SMARCA5: variants seen among roughly 807,000 people sequenced by gnomAD.
SMARCA5 encodes SNF2 related chromatin remodeling ATPase 5.
A neutral mutation model predicts 140.4 loss-of-function variants in SMARCA5; 18 were observed. The observed-to-expected ratio is 0.13, with a 90% CI of 0.09 to 0.19. The LOEUF (loss-of-function observed/expected upper bound fraction) is 0.19, where lower values mean the gene tolerates loss of function less well. Among genes scored for constraint, SMARCA5 ranks in the 10% least tolerant of loss-of-function variants. The pLI is 1.00. For synonymous variants in SMARCA5, 449 were observed against 419.6 expected (o/e 1.07, Z -0.86); for missense variants, 606 against 1,276.8 (o/e 0.47, Z 8.01).
chr4:143,548,326 T>G, intron 22 of SMARCA5, 186 bp downstream of exon 22: 1 of 426,098 alleles, frequency 2.3e-6, no homozygotes, highest in Non-Finnish European at 4.2e-6. Flanking sequence ...GTATCTTACG[T>G]CTTTAAATAT....
chr4:143,518,493 C>G (rs1230335875), intron 2 of SMARCA5, among the ~76,000 whole-genome samples: 2 of 152,080 alleles, frequency 1.3e-5, no homozygotes, highest in East Asian at 3.9e-4. Flanking sequence ...GTCTTCAGTA[C>G]CCAGAACAGT....
Position 143,556,597 on chromosome 4 carries a change from G to A in SMARCA5, c.*3413G>A, listed in dbSNP as rs986334484. ...GAATGCTAGAAGACATGTATTAACG[G>A]AGTAGCTGTTACCAAAATATATACA... On this transcript the variant is annotated 3_prime_UTR_variant, in exon 24 of 24. Transcript: ENST00000283131. The A allele has an allele frequency of 2.6e-5, 4 of 152,164 alleles. No individual in the cohort carries two copies. The highest frequency in any genetic ancestry group is 4.4e-5 in the Non-Finnish European group (3 of 68,036). 9.4% of individuals were successfully genotyped at this position (152,164 alleles called of 1,614,324 possible).
chr4:143,552,748 TAA>T (rs1296718410), intron 23 of SMARCA5, among the ~76,000 whole-genome samples: 1 of 152,044 alleles, frequency 6.6e-6, no homozygotes, highest in Non-Finnish European at 1.5e-5. Flanking sequence ...GGTTAATTTA[TAA>T]AGTCATGAAT....
At chr4:143,520,790 C>G (rs967269465) in intron 2 of SMARCA5, among the ~76,000 whole-genome samples, 1 of 151,784 alleles carries the variant, frequency 6.6e-6, no homozygotes, top group Non-Finnish European at 1.5e-5. Context: ...CTTCGAGGCT[C>G]TTAAGGTTTT....
Position 143,513,824 on chromosome 4 carries a change from T to G in SMARCA5, c.-101T>G. On this transcript the variant is annotated 5_prime_UTR_variant, in exon 1 of 24. Transcript: ENST00000283131. ...AGCGCTCGGGTGGGAGTCTCGCTCC[T>G]CCACCAGTTTATTGCGACGTAGCAT... The G allele has an allele frequency of 7.4e-7, 1 of 1,351,324 alleles. No individual in the cohort carries two copies. Among genetic ancestry groups the G allele is most frequent in the Non-Finnish European group, 1.0e-6 (1 of 1,004,556 alleles). The allele number at this position is 1,351,324 out of a possible 1,614,324, so 83.7% of individuals were successfully genotyped here.
intron 11 of SMARCA5, 117 bp downstream of exon 11, chr4:143,536,795 A>T (rs1737314851): frequency 1.4e-6 from 1 of 717,396 alleles, no homozygotes; most frequent in Non-Finnish European, 2.4e-6. Flanking sequence ...CGTGTAGAAC[A>T]TTAAAAAAAC....
At chr4:143,529,252 A>AT (rs1737134341) in intron 8 of SMARCA5, among the ~76,000 whole-genome samples, 1 of 152,026 alleles carries the variant, frequency 6.6e-6, no homozygotes, top group Non-Finnish European at 1.5e-5. Context: ...TCTTTAAATC[A>AT]TTGTTTTCTC....
chr4:143,532,253 T>A (rs985766562), intron 9 of SMARCA5, among the ~76,000 whole-genome samples: 1 of 152,244 alleles, frequency 6.6e-6, no homozygotes, highest in African/African-American at 2.4e-5. Flanking sequence ...GCACTCTCTT[T>A]GTATTTACTT....
rs574882518 is a variant in SMARCA5, at chr4:143,525,658, A to G, written c.621+107A>G. The G allele has an allele frequency of 2.4e-5, 18 of 738,620 alleles. No individual in the cohort carries two copies. In the African/African-American group the frequency reaches 2.8e-4, roughly 11 times the overall value. The allele number at this position is 738,620 out of a possible 1,614,324, so 45.8% of individuals were successfully genotyped here. Reference sequence around the variant, plus strand: ...CAACTGTTAGCAAATGGATCCTCTCAGAAACTAGTATAAGCAGCTTGCCTT... The same window carrying G: ...CAACTGTTAGCAAATGGATCCTCTCGGAAACTAGTATAAGCAGCTTGCCTT... On this transcript the variant is annotated intron_variant, in intron 5 of 23. Coordinates refer to ENST00000283131, the MANE Select transcript of SMARCA5 (RefSeq NM_003601.4).
intron 17 of SMARCA5, among the ~76,000 whole-genome samples, chr4:143,545,225 G>A (rs543950731): frequency 6.6e-6 from 1 of 152,282 alleles, no homozygotes; most frequent in Admixed American, 6.5e-5. Context: ...ACAGGCGTGA[G>A]CCACTGCCTC....
intron 22 of SMARCA5, among the ~76,000 whole-genome samples, chr4:143,548,691 C>CT (rs1354152209): frequency 6.6e-6 from 1 of 152,016 alleles, no homozygotes; most frequent in Non-Finnish European, 1.5e-5. Flanking sequence ...TGGATTGCTC[C>CT]TTTTCTTCCT....
At chr4:143,553,047 T>TA (rs1560823939) in intron 23 of SMARCA5, 72 bp from the exon 24 acceptor site, 2 of 1,124,086 alleles carry the variant, frequency 1.8e-6, no homozygotes, top group Non-Finnish European at 2.7e-6. Context: ...ACTAAAGTGT[T>TA]ATAATGTGTC....
chr4:143,546,119 A>G, intron 19 of SMARCA5, 72 bp downstream of exon 19: 1 of 1,127,120 alleles, frequency 8.9e-7, no homozygotes, highest in East Asian at 2.8e-5. Flanking sequence ...ATGTTGGGGC[A>G]TAAAAATAAA....
rs568108505 is a variant in SMARCA5 at position 143,556,903 on chromosome 4, G to C, written c.*3719G>C. On this transcript the variant is annotated 3_prime_UTR_variant, in exon 24 of 24. Coordinates refer to ENST00000283131, the MANE Select transcript of SMARCA5 (RefSeq NM_003601.4). ...ACAAGAACCAAAATTGAAGTAAGAA[G>C]AAAAAGACTGAAATGATATGATTCT... 6.6e-6 allele frequency: 1 copy of C among 152,022 alleles called. No individual in the cohort carries two copies. The highest frequency in any genetic ancestry group is 2.4e-5 in the African/African-American group (1 of 41,410). The allele number at this position is 152,022 out of a possible 1,614,324, so 9.4% of individuals were successfully genotyped here.
At chr4:143,539,693 C>T (rs1453895712) in intron 13 of SMARCA5, among the ~76,000 whole-genome samples, 2 of 151,952 alleles carry the variant, frequency 1.3e-5, no homozygotes, top group South Asian at 2.1e-4. Flanking sequence ...TGCGCCACCA[C>T]GCCTGACTAA....
intron 2 of SMARCA5, among the ~76,000 whole-genome samples, chr4:143,517,969 CATAAT>C (rs1174201517): frequency 6.6e-6 from 1 of 152,082 alleles, no homozygotes; most frequent in Non-Finnish European, 1.5e-5. Context: ...TATGAATTAA[CATAAT>C]ATGATGTCAT....
At chr4:143,535,754 C>G (rs934355762) in intron 10 of SMARCA5, among the ~76,000 whole-genome samples, 11 of 152,096 alleles carry the variant, frequency 7.2e-5, no homozygotes, top group South Asian at 6.2e-4. Context: ...ATTGCCTAGG[C>G]TACTTACTTT....
Position 143,547,976 on chromosome 4 carries a change from A to G in SMARCA5, c.2821A>G (p.Thr941Ala). Residue 941 changes from threonine (T) to alanine (A), a missense_variant, in exon 22 of 24, where the codon ACT becomes GCT. Around this residue, in one of 10 missense-constraint regions of SMARCA5, gnomAD observed 121 missense variants for 227.1 expected, o/e 0.53. Transcript: ENST00000283131. ...PFHQLRISYG[T>A]NKGKNYTEEE... Reference sequence around the variant, plus strand: ...TCATCAGCTGAGAATATCATATGGTACTAACAAAGGAAAAAACTATACTGA... The same window carrying G: ...TCATCAGCTGAGAATATCATATGGTGCTAACAAAGGAAAAAACTATACTGA... The G allele has an allele frequency of 6.2e-7, 1 of 1,611,450 alleles. No individual in the cohort carries two copies. The highest frequency in any genetic ancestry group is 8.5e-7 in the Non-Finnish European group (1 of 1,178,254).
chr4:143,513,722 C>T lies in SMARCA5; in HGVS notation c.-203C>T. 2 of 598,056 alleles carry T rather than the reference C, an allele frequency of 3.3e-6. No individual in the cohort carries two copies. The highest frequency in any genetic ancestry group is 2.1e-5 in the South Asian group (1 of 48,644). 37.0% of individuals were successfully genotyped at this position (598,056 alleles called of 1,614,324 possible). A position where few individuals can be genotyped will look rare whatever the true frequency, so the allele number is the denominator to read the frequency against. ...TAAGCGCCGGTGGAACCTAGAGCCC[C>T]GCGGAAGAGCAGAACGTTTGGGAGT... is the stretch of plus-strand genomic sequence containing the variant. On this transcript the variant is annotated 5_prime_UTR_variant, in exon 1 of 24. Transcript: ENST00000283131.
Sources: allele counts gnomAD v4.1 joint callset (sites outside exome capture counted in the v4.1 genomes callset), GRCh38; gene constraint gnomAD v4.1.1; regional missense constraint gnomAD v4.1.1; transcripts MANE v1.5; gene names NCBI Gene and HGNC (gene_info 2026-07-23, HGNC 2026-07-21).